Variants in OOEP observed in about 807,000 individuals in gnomAD.
OOEP encodes the protein oocyte expressed protein, also known as oocyte-expressed protein homolog.
A neutral mutation model predicts 13.7 loss-of-function variants in OOEP; 16 were observed. That is an observed-to-expected ratio of 1.16 (90% CI 0.79 to 1.77). OOEP has a LOEUF of 1.77. OOEP is among the 40% of genes most tolerant of loss of function. The pLI, the probability that OOEP is intolerant of heterozygous loss-of-function variation, is 0.00. For synonymous variants in OOEP, 89 were observed against 77.1 expected (o/e 1.15, Z -0.81); for missense variants, 195 against 193.1 (o/e 1.01, Z -0.06).
At chr6:73,371,506 T>G (rs374437901), upstream of OOEP, among the ~76,000 whole-genome samples, 5 of 151,838 alleles carry the variant, frequency 3.3e-5, no homozygotes, top group African/African-American at 4.8e-5. Context: ...CCCAGCACTT[T>G]GGGAGGCTGA....
chr6:73,368,843 C>A lies in OOEP; in HGVS notation c.391G>T (p.Glu131Ter), dbSNP rs751916422. Residue 131 changes from glutamate to a stop codon, truncating the protein, a stop_gained, in exon 3 of 3, where the codon GAG becomes TAG. Transcript: ENST00000370359. LOFTEE classifies it low-confidence loss of function (END_TRUNC). ...GATGCATGGGCCTTCAAGTTCTTCT[C>A]AAGGTGTTTCATCTTCTCAGCTGGA... ...RARAEKMKHLEKNLKAHASDP... is the reference protein window; with the variant it reads ...RARAEKMKHL 1 of 1,613,590 alleles carries A rather than the reference C, an allele frequency of 6.2e-7. No homozygotes were observed. Among genetic ancestry groups the A allele is most frequent in the Non-Finnish European group, 8.5e-7 (1 of 1,179,554 alleles).
chr6:73,369,638 A>T lies in OOEP; in HGVS notation c.155T>A (p.Phe52Tyr), dbSNP rs541440333. 6.2e-7 allele frequency: 1 copy of T among 1,614,032 alleles called. No individual in the cohort carries two copies. The highest frequency in any genetic ancestry group is 8.5e-7 in the Non-Finnish European group (1 of 1,179,880). The change falls in exon 1 of 3, where the codon TTC becomes TAC. Residue 52 changes from phenylalanine (F) to tyrosine (Y), a missense_variant. By Grantham distance (22) the Phe-to-Tyr change is conservative (BLOSUM62 3). Coordinates refer to ENST00000370359, the MANE Select transcript of OOEP (RefSeq NM_001080507.3). Reference sequence around the variant, plus strand: ...GTCTGCCAGCCATGCCTCTAGGTAGAACACCAAAGGGTCTCTCAGTTCCTG... The same window carrying T: ...GTCTGCCAGCCATGCCTCTAGGTAGTACACCAAAGGGTCTCTCAGTTCCTG... Reference protein sequence around the residue: ...PVQELRDPLVFYLEAWLADEL... With the variant: ...PVQELRDPLVYYLEAWLADEL...
intron 2 of OOEP, chr6:73,391,508 TCTC>T (rs1769346523): frequency 6.5e-6 from 1 of 152,782 alleles, no homozygotes; most frequent in Non-Finnish European, 1.5e-5. Flanking sequence ...TTTCTTCAGT[TCTC>T]CTTGGAGGAG....
chr6:73,376,552 A>C (rs1769142746), intron 2 of OOEP, among the ~76,000 whole-genome samples: 1 of 151,934 alleles, frequency 6.6e-6, no homozygotes, highest in Non-Finnish European at 1.5e-5. Context: ...AGCTTACTGC[A>C]ACCTCCACCT....
At chr6:73,370,791 C>T (rs1249997190), upstream of OOEP, among the ~76,000 whole-genome samples, 1 of 152,046 alleles carries the variant, frequency 6.6e-6, no homozygotes, top group Non-Finnish European at 1.5e-5. Context: ...TTTAAAACTT[C>T]TATTTTTCTG....
chr6:73,373,378 G>A, upstream of OOEP: 1 of 1,042,018 alleles, frequency 9.6e-7, no homozygotes, highest in African/African-American at 1.6e-5. Context: ...AGGCTAGAGT[G>A]CAGTGGCACG....
At chr6:73,373,202 C>T (rs1769087354), upstream of OOEP, 12 of 1,612,382 alleles carry the variant, frequency 7.4e-6, no homozygotes, top group South Asian at 4.4e-5. Flanking sequence ...GGGAATGGGA[C>T]GATTTTGCTT....
upstream of OOEP, among the ~76,000 whole-genome samples, chr6:73,373,575 G>A (rs1020418002): frequency 6.6e-6 from 1 of 152,140 alleles, no homozygotes; most frequent in Non-Finnish European, 1.5e-5. Flanking sequence ...AAGATTTTAA[G>A]TATGCAATTA....
chr6:73,379,657 A>AAAAAAAAAG lies in OOEP; in HGVS notation c.26-10273_26-10272insCTTTTTTTT, dbSNP rs1554233272. Among the ~76,000 whole-genome samples, 886 of 110,674 alleles carry AAAAAAAAAG rather than the reference A, an allele frequency of 8.0e-3. 48 individuals are homozygous for AAAAAAAAAG. Among genetic ancestry groups the AAAAAAAAAG allele is most frequent in the Middle Eastern group, 0.013 (2 of 150 alleles). The allele number at this position is 110,674 out of a possible 152,430, so 72.6% of individuals were successfully genotyped here. On this transcript the variant is annotated intron_variant, in intron 2 of 3. Coordinates refer to the OOEP transcript ENST00000370363. ...CTATCTCAAAAAAAAAAAAAAAAAA[A>AAAAAAAAAG]AAAAGTGGCCTTATTTTACATGTTT...
Position 73,368,832 on chromosome 6 carries a change from C to G in OOEP, c.402G>C (p.Leu134Phe). ...AGTGGGGGTCTGATGCATGGGCCTTCAAGTTCTTCTCAAGGTGTTTCATCT... is the reference window on the plus strand; with the variant it reads ...AGTGGGGGTCTGATGCATGGGCCTTGAAGTTCTTCTCAAGGTGTTTCATCT... Reference protein sequence around the residue: ...AEKMKHLEKNLKAHASDPHSP... With the variant: ...AEKMKHLEKNFKAHASDPHSP... Residue 134 changes from leucine to phenylalanine, a missense_variant, in exon 3 of 3, where the codon TTG becomes TTC. Leu to Phe is a conservative substitution (Grantham distance 22, BLOSUM62 0). Coordinates refer to ENST00000370359, the MANE Select transcript of OOEP (RefSeq NM_001080507.3). 6.2e-7 allele frequency: 1 copy of G among 1,613,754 alleles called. No homozygotes were observed. The highest frequency in any genetic ancestry group is 8.5e-7 in the Non-Finnish European group (1 of 1,179,676).
chr6:73,379,638 CAAAA>C (rs370843381), intron 2 of OOEP, among the ~76,000 whole-genome samples: 2 of 17,738 alleles, frequency 1.1e-4, no homozygotes, highest in South Asian at 3.4e-3. Flanking sequence ...GACTCTATCT[CAAAA>C]AAAAAAAAAA....
chr6:73,387,292 T>G (rs916168414), intron 2 of OOEP, among the ~76,000 whole-genome samples: 1 of 151,898 alleles, frequency 6.6e-6, no homozygotes, highest in African/African-American at 2.4e-5. Flanking sequence ...GTGGATAACT[T>G]GAGGTCAGGA....
chr6:73,395,010 G>A, exon 1 of OOEP: 1 of 1,614,262 alleles, frequency 6.2e-7, no homozygotes, highest in East Asian at 2.2e-5. Context: ...CGGAGGAGTT[G>A]AATCGAACAG....
At chr6:73,376,729 G>A (rs187294835) in intron 2 of OOEP, among the ~76,000 whole-genome samples, 220 of 152,168 alleles carry the variant, frequency 1.4e-3, no homozygotes, top group African/African-American at 5.0e-3. Flanking sequence ...TCGGCTCACC[G>A]CAACCTCCAC....
At position 73,394,184 on chromosome 6, in the gene OOEP, A is replaced by AT. The variant is rs1016466984; in HGVS notation, c.25+161dup. Among the ~76,000 whole-genome samples, 143 of 148,784 alleles carry AT rather than the reference A, an allele frequency of 9.6e-4. 1 individual carries two copies. Among genetic ancestry groups the AT allele is most frequent in the African/African-American group, 2.9e-3 (119 of 40,786 alleles). On this transcript the variant is annotated intron_variant, in intron 2 of 3. Transcript: ENST00000370363. ...TACTGGGAACTCCCATCTCTATTAA[A>AT]TTTTTTTTTTTTAATTTTGTGGATT...
rs1342482885 is a variant in OOEP, at chr6:73,382,535, A to AT, written c.25+11810dup. ...CTGGCCACACCTGGCTAATTTTTAA[A>AT]TTTTTTGTAGAGAGCGGGTCTCACC... On this transcript the variant is annotated intron_variant, in intron 2 of 3. Coordinates refer to the OOEP transcript ENST00000370363. 7.9e-5 allele frequency among the ~76,000 whole-genome samples: 12 copies of AT among 151,362 alleles called. 1 individual carries two copies. The highest frequency in any genetic ancestry group is 1.2e-4 in the African/African-American group (5 of 41,172).
At chr6:73,368,904 A>T (rs768355232) in intron 2 of OOEP, 41 bp from the exon 3 acceptor site, 6 of 1,488,090 alleles carry the variant, frequency 4.0e-6, no homozygotes, top group Non-Finnish European at 4.7e-6. Context: ...GACAGGGACA[A>T]GTGTTTGCTG....
At chr6:73,394,640 T>A in intron 1 of OOEP, 1 of 460,204 alleles carries the variant, frequency 2.2e-6, no homozygotes, top group Non-Finnish European at 4.0e-6. Context: ...GCGGGGCACA[T>A]CGACTACTTC....
chr6:73,372,640 C>T (rs77105169), upstream of OOEP, among the ~76,000 whole-genome samples: 1,047 of 152,250 alleles, frequency 6.9e-3, 17 homozygotes, highest in African/African-American at 0.024. Context: ...ACGTGGGCCT[C>T]CTTGGAAGCC....
Sources: gnomAD v4.1 joint callset for allele counts (sites outside exome capture counted in the v4.1 genomes callset) on GRCh38, gnomAD v4.1.1 for gene constraint, MANE v1.5 for transcripts, NCBI Gene and HGNC (gene_info 2026-07-23, HGNC 2026-07-21) for gene names.